The following ARHGEF10L variants were observed in gnomAD, a reference collection of about 807,000 sequenced individuals.
ARHGEF10L encodes the protein rho guanine nucleotide exchange factor 10-like protein.
Under a neutral mutation model 141.2 loss-of-function variants are expected in ARHGEF10L, and 69 were observed. That is an observed-to-expected ratio of 0.49 (90% CI 0.40 to 0.60). The LOEUF is 0.60. Among genes scored for constraint, ARHGEF10L ranks in the 20% least tolerant of loss-of-function variants. The pLI is 0.00. For synonymous variants in ARHGEF10L, 711 were observed against 718.5 expected (o/e 0.99, Z 0.17); for missense variants, 1,482 against 1,734.3 (o/e 0.85, Z 2.58).
intron 9 of ARHGEF10L, among the ~76,000 whole-genome samples, chr1:17,617,963 C>T (rs1482448952): frequency 6.6e-6 from 1 of 152,140 alleles, no homozygotes; most frequent in Non-Finnish European, 1.5e-5. Flanking sequence ...GGCGGCAGAC[C>T]ATAAATGGGT....
chr1:17,590,874 C>T (rs979065308), intron 4 of ARHGEF10L, among the ~76,000 whole-genome samples: 2 of 152,160 alleles, frequency 1.3e-5, no homozygotes, highest in African/African-American at 4.8e-5. Flanking sequence ...GTAATTCCAG[C>T]TACTGGGGAG....
rs766472983 is a variant in ARHGEF10L at position 17,697,410 on chromosome 1, C to G, written c.*30C>G. 1 of 1,556,878 alleles carries G rather than the reference C, an allele frequency of 6.4e-7. No homozygotes were observed. The highest frequency in any genetic ancestry group is 8.7e-7 in the Non-Finnish European group (1 of 1,149,446). On this transcript the variant is annotated 3_prime_UTR_variant, in exon 29 of 29. Coordinates refer to ENST00000361221, the MANE Select transcript of ARHGEF10L (RefSeq NM_018125.4). This position sits in a 1 kb window ranked among gnomAD's most constrained non-coding sequence, Gnocchi z 4.8. ...TCCCCTCTCCCCTCAGAGGGCACAG[C>G]TGCAGGCCTGACCAAGGCCACGCCC...
At chr1:17,588,715 A>C (rs2079243449) in intron 4 of ARHGEF10L, among the ~76,000 whole-genome samples, 3 of 151,974 alleles carry the variant, frequency 2.0e-5, no homozygotes, top group Admixed American at 2.0e-4. Flanking sequence ...CCTGGCTCCA[A>C]ACCCTACCTC....
At position 17,607,994 on chromosome 1, in the gene ARHGEF10L, T is replaced by C. The variant is rs116140466; in HGVS notation, c.609+17T>C. 3,652 of 1,236,564 alleles carry C rather than the reference T, an allele frequency of 3.0e-3. 98 individuals are homozygous for C. In the African/African-American group the frequency reaches 0.054, roughly 18 times the overall value. The allele number at this position is 1,236,564 out of a possible 1,614,324, so 76.6% of individuals were successfully genotyped here. ...CAGCCCAAGGTGAGGGGACCGGGGG[T>C]GTCGCTCACCTCAGTCAGGGCACGG... On this transcript the variant is annotated intron_variant, in intron 7 of 28. Transcript: ENST00000361221. This position sits in a 1 kb window ranked among gnomAD's most constrained non-coding sequence, Gnocchi z 4.5.
At chr1:17,524,364 T>TACAC in the ARHGEF10L span, among the ~76,000 whole-genome samples, 12,816 of 115,862 alleles carry the variant, frequency 0.11, 1,012 homozygotes, top group East Asian at 0.21. Context: ...ACCCCGTCTC[T>TACAC]ACACACACAC....
Position 17,654,035 on chromosome 1 carries a change from C to T in ARHGEF10L, c.2395-601C>T, listed in dbSNP as rs71644062. 0.12 allele frequency among the ~76,000 whole-genome samples: 18,324 copies of T among 152,304 alleles called. 1,373 individuals carry two copies. Among genetic ancestry groups the T allele is most frequent in the Non-Finnish European group, 0.16 (11,059 of 68,014 alleles). The stretch of plus-strand genomic sequence containing the variant: ...GCAGTCTCTACTCTGTCTTCTCCTT[C>T]AGTGTGGCCCATGAGTGGGCCAGGC... On this transcript the variant is annotated intron_variant, in intron 22 of 28. Transcript: ENST00000361221. This position sits in a 1 kb window ranked among gnomAD's most constrained non-coding sequence, Gnocchi z 4.3.
At position 17,622,976 on chromosome 1, in the gene ARHGEF10L, C is replaced by T; in HGVS notation, c.1021-20C>T. On this transcript the variant is annotated intron_variant, in intron 11 of 28. Coordinates refer to ENST00000361221, the MANE Select transcript of ARHGEF10L (RefSeq NM_018125.4). ...GAGGCTGCGGCCTGGCCTGCGGCCT[C>T]ACCCCGCCCTCCCCGGCAGGACTAC... is the stretch of plus-strand genomic sequence containing the variant. The T allele has an allele frequency of 6.2e-7, 1 of 1,604,632 alleles. No homozygotes were observed.
chr1:17,588,884 G>GTC (rs1557758069), intron 4 of ARHGEF10L, among the ~76,000 whole-genome samples: 8 of 106,558 alleles, frequency 7.5e-5, no homozygotes, highest in South Asian at 3.5e-4. Context: ...GTGTGTGTGT[G>GTC]TGTGTGTGTG....
At position 17,624,379 on chromosome 1, in the gene ARHGEF10L, T is replaced by G; in HGVS notation, c.1201-8T>G. ...CGGTCTCCCTGGCCCACACCTGCCT[T>G]GTTTCAGTTTTCCAAGTCCATGGTG... On this transcript the variant is annotated splice_region_variant and splice_polypyrimidine_tract_variant and intron_variant, in intron 12 of 28. Coordinates refer to ENST00000361221, the MANE Select transcript of ARHGEF10L (RefSeq NM_018125.4). 6.2e-7 allele frequency: 1 copy of G among 1,607,872 alleles called. No individual in the cohort carries two copies. Among genetic ancestry groups the G allele is most frequent in the Non-Finnish European group, 8.5e-7 (1 of 1,174,510 alleles).
At chr1:17,602,695 G>A (rs2080808016) in intron 5 of ARHGEF10L, among the ~76,000 whole-genome samples, 1 of 152,204 alleles carries the variant, frequency 6.6e-6, no homozygotes, top group African/African-American at 2.4e-5. Context: ...GTGTGGGGGA[G>A]CGTTATGGGG....
chr1:17,569,464 C>T (rs1361959920), intron 1 of ARHGEF10L, among the ~76,000 whole-genome samples: 1 of 152,218 alleles, frequency 6.6e-6, no homozygotes, highest in Non-Finnish European at 1.5e-5. Flanking sequence ...CCTGCTTGCC[C>T]TGCCGTTGTT....
the ARHGEF10L span, among the ~76,000 whole-genome samples, chr1:17,521,883 CTGGT>C: frequency 0.011 from 1,632 of 152,238 alleles, 33 homozygotes; most frequent in East Asian, 0.066. Context: ...GACGCTCTGG[CTGGT>C]TGGCCTCCTG....
At chr1:17,657,810 G>A (rs746226919) in intron 25 of ARHGEF10L, among the ~76,000 whole-genome samples, 10 of 152,186 alleles carry the variant, frequency 6.6e-5, no homozygotes, top group African/African-American at 9.7e-5. Flanking sequence ...ACTCCCAACC[G>A]GCTCCCACGG....
At chr1:17,632,125 G>A (rs1388196279) in intron 15 of ARHGEF10L, among the ~76,000 whole-genome samples, 196 bp from the exon 16 acceptor site, 1 of 152,198 alleles carries the variant, frequency 6.6e-6, no homozygotes, top group Non-Finnish European at 1.5e-5. Context: ...CCTCCGAGAG[G>A]AGGCCCCGAT....
intron 26 of ARHGEF10L, among the ~76,000 whole-genome samples, chr1:17,675,989 T>TA (rs2063662908): frequency 1.4e-5 from 2 of 139,992 alleles, no homozygotes; most frequent in African/African-American, 2.7e-5. Flanking sequence ...GGTGCAGGTG[T>TA]GTGCAGGTGT....
chr1:17,556,117 G>GTAAGCTT (rs2077303030), intron 1 of ARHGEF10L, among the ~76,000 whole-genome samples: 1 of 93,882 alleles, frequency 1.1e-5, no homozygotes. Context: ...GAGCATGGGG[G>GTAAGCTT]GGGCCTGGAA....
chr1:17,638,728 T>C, intron 20 of ARHGEF10L, 39 bp downstream of exon 20: 1 of 1,611,276 alleles, frequency 6.2e-7, no homozygotes, highest in Non-Finnish European at 8.5e-7. Context: ...CTGCTGCCTC[T>C]GCTGGGCTTC....
chr1:17,634,717 C>T (rs2060898051), intron 17 of ARHGEF10L, 118 bp from the exon 18 acceptor site: 1 of 1,457,912 alleles, frequency 6.9e-7, no homozygotes. Flanking sequence ...GGTCTGAGGT[C>T]TTGCGCTGGG....
rs558975145 is a variant in ARHGEF10L, at chr1:17,680,044, G to A, written c.3010-7529G>A. The stretch of plus-strand genomic sequence containing the variant: ...GGAGGACAGCATGTGAGCTTGGAGC[G>A]AGGTGCACGCTTCTGCCCCGCCTTG... On this transcript the variant is annotated intron_variant, in intron 26 of 28. Transcript: ENST00000361221. 2.4e-4 allele frequency among the ~76,000 whole-genome samples: 37 copies of A among 152,254 alleles called. 1 individual carries two copies. In the East Asian group the frequency reaches 5.6e-3, roughly 23 times the overall value.
Sources: allele counts gnomAD v4.1 joint callset (sites outside exome capture counted in the v4.1 genomes callset), GRCh38; gene constraint gnomAD v4.1.1; non-coding constraint Gnocchi (gnomAD v3.1); transcripts MANE v1.5; gene names NCBI Gene and HGNC (gene_info 2026-07-23, HGNC 2026-07-21).